Variants in RAP1A observed in about 807,000 individuals in gnomAD.
RAP1A encodes ras-related protein Rap-1A.
RAP1A carries 6 observed loss-of-function variants against 26.4 expected under a neutral mutation model. The ratio of observed to expected loss-of-function variants is 0.23; its 90% CI spans 0.12 to 0.45. RAP1A has a LOEUF of 0.45. Among genes scored for constraint, RAP1A ranks in the 20% least tolerant of loss-of-function variants. The pLI, the probability that RAP1A is intolerant of heterozygous loss-of-function variation, is 0.99. For synonymous variants in RAP1A, 73 were observed against 79.4 expected (o/e 0.92, Z 0.43); for missense variants, 121 against 217.2 (o/e 0.56, Z 2.78).
At chr1:111,638,723 G>A (rs1225700273) in intron 1 of RAP1A, among the ~76,000 whole-genome samples, 5 of 152,122 alleles carry the variant, frequency 3.3e-5, no homozygotes, top group African/African-American at 1.2e-4. Context: ...ACCGTACCCT[G>A]TGTTTTCTAT....
chr1:111,703,029 G>C (rs978997543), intron 4 of RAP1A, among the ~76,000 whole-genome samples: 8 of 152,184 alleles, frequency 5.3e-5, no homozygotes, highest in Admixed American at 3.3e-4. Flanking sequence ...TAGCACTTGG[G>C]CAGTAGTTGT....
Position 111,704,619 on chromosome 1 carries a change from A to G in RAP1A, c.468+133A>G, listed in dbSNP as rs186021299. 1,958 of 944,996 alleles carry G rather than the reference A, an allele frequency of 2.1e-3. 6 individuals are homozygous for G. The highest frequency in any genetic ancestry group is 2.8e-3 in the South Asian group (118 of 42,544). 58.5% of individuals were successfully genotyped at this position (944,996 alleles called of 1,614,324 possible). ...CATAATTTTATAGGAAACACTAAGT[A>G]ATTCCTGGAAACTATATTTTTTAGC... On this transcript the variant is annotated intron_variant, in intron 6 of 7. Coordinates refer to ENST00000369709, the MANE Select transcript of RAP1A (RefSeq NM_002884.4).
intron 1 of RAP1A, among the ~76,000 whole-genome samples, chr1:111,656,331 C>T (rs906918811): frequency 1.3e-5 from 2 of 152,154 alleles, no homozygotes; most frequent in Admixed American, 6.5e-5. Flanking sequence ...TCATTCTGGA[C>T]AAATACTTAC....
chr1:111,610,549 CACACACACACACA>C (rs1658908167), intron 1 of RAP1A, among the ~76,000 whole-genome samples: 5 of 148,646 alleles, frequency 3.4e-5, no homozygotes. Flanking sequence ...CACACACACA[CACACACACACACA>C]CACACACACA....
At chr1:111,645,909 G>T (rs988209712) in intron 1 of RAP1A, among the ~76,000 whole-genome samples, 4 of 152,234 alleles carry the variant, frequency 2.6e-5, no homozygotes, top group Non-Finnish European at 5.9e-5. Flanking sequence ...GGTGGGAGAA[G>T]ATGAAGGACT....
chr1:111,665,557 GTTAT>G (rs1660775964), intron 1 of RAP1A, among the ~76,000 whole-genome samples: 1 of 152,138 alleles, frequency 6.6e-6, no homozygotes, highest in Non-Finnish European at 1.5e-5. Context: ...AATGATAATA[GTTAT>G]ACTGAAGAAT....
At chr1:111,688,808 GTTTTTT>G (rs753016302) in intron 1 of RAP1A, among the ~76,000 whole-genome samples, 3 of 124,204 alleles carry the variant, frequency 2.4e-5, no homozygotes, top group South Asian at 2.7e-4. Flanking sequence ...TTTTGTTTTT[GTTTTTT>G]TTTTTTTGTT....
intron 1 of RAP1A, among the ~76,000 whole-genome samples, chr1:111,609,351 T>G (rs1658878596): frequency 6.6e-6 from 1 of 152,226 alleles, no homozygotes; most frequent in African/African-American, 2.4e-5. Flanking sequence ...ATTATTATTT[T>G]TTTTAATCAA....
At chr1:111,616,294 C>T (rs542348116), upstream of RAP1A, among the ~76,000 whole-genome samples, 106 of 152,296 alleles carry the variant, frequency 7.0e-4, no homozygotes, top group African/African-American at 2.5e-3. Context: ...CTCAGTTTCT[C>T]CTGTTTGTGC....
chr1:111,637,522 C>G (rs561730487), intron 1 of RAP1A, among the ~76,000 whole-genome samples: 1 of 152,316 alleles, frequency 6.6e-6, no homozygotes, highest in Admixed American at 6.5e-5. Context: ...GGTGGTGATA[C>G]TGCTCCTGTT....
At chr1:111,565,975 G>A (rs1022136695) in intron 1 of RAP1A, among the ~76,000 whole-genome samples, 3 of 152,076 alleles carry the variant, frequency 2.0e-5, no homozygotes, top group Admixed American at 6.5e-5. Flanking sequence ...AGATCACAAA[G>A]AGAGCATGGC....
At chr1:111,712,350 G>A (rs1391334534) in intron 7 of RAP1A, 81 bp from the exon 8 acceptor site, 1 of 152,004 alleles carries the variant, frequency 6.6e-6, no homozygotes, top group Non-Finnish European at 1.5e-5. Flanking sequence ...TTATTTTATT[G>A]AATACCTGCT....
At chr1:111,557,348 A>G (rs1657536122) in intron 1 of RAP1A, among the ~76,000 whole-genome samples, 1 of 152,168 alleles carries the variant, frequency 6.6e-6, no homozygotes, top group Non-Finnish European at 1.5e-5. Flanking sequence ...GGAGATCAAG[A>G]CCATCCTGGC....
At chr1:111,599,069 C>T (rs1195320133) in intron 1 of RAP1A, among the ~76,000 whole-genome samples, 1 of 152,162 alleles carries the variant, frequency 6.6e-6, no homozygotes, top group East Asian at 1.9e-4. Flanking sequence ...CTTCCATGCC[C>T]TCTGGACATG....
intron 1 of RAP1A, among the ~76,000 whole-genome samples, chr1:111,580,232 T>C (rs1460704400): frequency 6.6e-6 from 1 of 152,232 alleles, no homozygotes. Flanking sequence ...AGGGACTGTT[T>C]GTATTAGGTA....
chr1:111,638,351 C>T (rs1213444830), intron 1 of RAP1A, among the ~76,000 whole-genome samples: 1 of 151,994 alleles, frequency 6.6e-6, no homozygotes, highest in African/African-American at 2.4e-5. Flanking sequence ...GCATAAATTC[C>T]CATTTGTAAT....
chr1:111,631,472 A>G (rs1359034647), intron 1 of RAP1A, among the ~76,000 whole-genome samples: 1 of 152,226 alleles, frequency 6.6e-6, no homozygotes, highest in Non-Finnish European at 1.5e-5. Flanking sequence ...AAATCTACAA[A>G]GTAGATATTG....
intron 1 of RAP1A, among the ~76,000 whole-genome samples, chr1:111,683,671 A>T (rs1661374724): frequency 6.6e-6 from 1 of 152,244 alleles, no homozygotes; most frequent in African/African-American, 2.4e-5. Context: ...AGTAAATAAT[A>T]GCCTACCAAC....
chr1:111,664,288 C>T (rs574394981), intron 1 of RAP1A, among the ~76,000 whole-genome samples: 24 of 143,142 alleles, frequency 1.7e-4, no homozygotes, highest in African/African-American at 5.1e-4. Flanking sequence ...GCAGAAGAAT[C>T]GCTTGAACCA....
Sources: allele counts gnomAD v4.1 joint callset (sites outside exome capture counted in the v4.1 genomes callset), GRCh38; gene constraint gnomAD v4.1.1; transcripts MANE v1.5; gene names NCBI Gene and HGNC (gene_info 2026-07-23, HGNC 2026-07-21).